CLSTN2: variants seen among roughly 807,000 people sequenced by gnomAD.
CLSTN2 encodes calsyntenin 2, also known as calsyntenin-2.
CLSTN2 carries 48 observed loss-of-function variants against 101.2 expected under a neutral mutation model. The observed-to-expected ratio is 0.47, with a 90% confidence interval of 0.38 to 0.60. The LOEUF is 0.60. Ranked by LOEUF, CLSTN2 falls within the 20% of genes least tolerant of loss-of-function variation. CLSTN2 has a pLI of 0.00. For synonymous variants in CLSTN2, 481 were observed against 463.6 expected (o/e 1.04, Z -0.48); for missense variants, 1,160 against 1,238.2 (o/e 0.94, Z 0.95).
chr3:140,418,129 A>AT (rs904728624), intron 4 of CLSTN2, among the ~76,000 whole-genome samples: 27 of 150,602 alleles, frequency 1.8e-4, no homozygotes, highest in African/African-American at 3.7e-4. Flanking sequence ...AAGAAAGTTA[A>AT]TTTTTTTTTT....
intron 2 of CLSTN2, among the ~76,000 whole-genome samples, chr3:140,262,452 T>A (rs1193822982): frequency 1.3e-5 from 2 of 150,740 alleles, no homozygotes; most frequent in Non-Finnish European, 2.9e-5. Context: ...AAGTTAAAGA[T>A]GTTCGAAATG....
chr3:140,377,022 C>CACAGAGAGAGAGAAAG (rs148236356), intron 2 of CLSTN2, among the ~76,000 whole-genome samples: 1 of 148,722 alleles, frequency 6.7e-6, no homozygotes, highest in Admixed American at 6.7e-5. Context: ...CACACATACA[C>CACAGAGAGAGAGAAAG]AGAGAGAGAG....
At chr3:140,454,234 A>G (rs1933335221) in intron 6 of CLSTN2, 1 of 152,140 alleles carries the variant, frequency 6.6e-6, no homozygotes, top group South Asian at 2.1e-4. Flanking sequence ...ATGGCCCACT[A>G]TGTTGGGGAG....
chr3:140,303,636 G>A (rs1014561641), intron 2 of CLSTN2, among the ~76,000 whole-genome samples: 4 of 152,030 alleles, frequency 2.6e-5, no homozygotes, highest in Non-Finnish European at 5.9e-5. Context: ...AGGAGATTAT[G>A]GTGGCTTCTA....
At chr3:140,276,131 C>A (rs1412615733) in intron 2 of CLSTN2, among the ~76,000 whole-genome samples, 2 of 152,138 alleles carry the variant, frequency 1.3e-5, no homozygotes, top group African/African-American at 4.8e-5. Context: ...GCAAAGAATG[C>A]ACCTTTCTTC....
intron 2 of CLSTN2, among the ~76,000 whole-genome samples, chr3:140,230,331 G>T (rs113734221): frequency 7.2e-4 from 110 of 152,318 alleles, no homozygotes; most frequent in African/African-American, 2.5e-3. Flanking sequence ...AAACCAGTGG[G>T]TATTTTAGAC....
intron 2 of CLSTN2, among the ~76,000 whole-genome samples, chr3:140,211,793 C>A (rs923587648): frequency 3.6e-4 from 54 of 152,040 alleles, no homozygotes; most frequent in African/African-American, 1.3e-3. Flanking sequence ...AGACTTTAAC[C>A]TCCAGTGAAT....
intron 1 of CLSTN2, among the ~76,000 whole-genome samples, chr3:140,154,735 C>A (rs1313628734): frequency 6.8e-6 from 1 of 148,096 alleles, no homozygotes; most frequent in Non-Finnish European, 1.5e-5. Context: ...AGCTCTGCCT[C>A]CCGGGTTCAC....
Position 140,442,672 on chromosome 3 carries a change from G to T in CLSTN2, c.788-5847G>T, listed in dbSNP as rs532658642. 2.0e-5 allele frequency among the ~76,000 whole-genome samples: 3 copies of T among 152,280 alleles called. No homozygotes were observed. In the East Asian group the frequency reaches 5.8e-4, roughly 29 times the overall value. ...GGGTGGCTATCAGGAGTATCCTGCT[G>T]TTCTGGAAATGAACACCAGGACTAA... On this transcript the variant is annotated intron_variant, in intron 5 of 16. Coordinates refer to ENST00000458420, the MANE Select transcript of CLSTN2 (RefSeq NM_022131.3).
In CLSTN2 at chr3:140,176,024, G is replaced by T. The variant is rs1355322484; in HGVS notation, c.183G>T (p.Leu61Phe). The T allele has an allele frequency of 2.5e-6, 4 of 1,613,520 alleles. No homozygotes were observed. ...CTGAGAACAATGACACAGTCATTTT[G>T]GACCCACCACTGGTAGCCCTGGATA... ...VITENNDTVI[L>F]DPPLVALDKD... Residue 61 changes from leucine (L) to phenylalanine (F), a missense_variant, in exon 2 of 17, where the codon TTG becomes TTT. Transcript: ENST00000458420.
chr3:140,101,169 A>G (rs530112966), intron 1 of CLSTN2, among the ~76,000 whole-genome samples: 1 of 152,322 alleles, frequency 6.6e-6, no homozygotes, highest in Admixed American at 6.5e-5. Flanking sequence ...GTATAAGAAT[A>G]AATGAAGCCA....
At chr3:140,312,159 C>G (rs2087175425) in intron 2 of CLSTN2, among the ~76,000 whole-genome samples, 1 of 152,210 alleles carries the variant, frequency 6.6e-6, no homozygotes, top group South Asian at 2.1e-4. Flanking sequence ...AAGGTCTTCT[C>G]CCAGTAGCTG....
rs190021299 is a variant in CLSTN2, at chr3:140,547,211, C to T, written c.1674+530C>T. The stretch of plus-strand genomic sequence containing the variant: ...GGGCTGCGCATGGTGGCCTGTGGCT[C>T]ACGTCTGTAGTCCCAACACTTTGGG... On this transcript the variant is annotated intron_variant, in intron 10 of 16. Transcript: ENST00000458420. Among the ~76,000 whole-genome samples, 145 of 152,312 alleles carry T rather than the reference C, an allele frequency of 9.5e-4. 1 individual carries two copies. In the Middle Eastern group the frequency reaches 0.017, roughly 18 times the overall value.
intron 2 of CLSTN2, among the ~76,000 whole-genome samples, chr3:140,273,217 G>C (rs751851613): frequency 6.6e-5 from 10 of 152,018 alleles, no homozygotes; most frequent in South Asian, 2.1e-4. Flanking sequence ...GTCGGGGGGT[G>C]GGGGGCAAGG....
intron 2 of CLSTN2, among the ~76,000 whole-genome samples, chr3:140,208,432 G>A (rs1190971196): frequency 6.6e-6 from 1 of 152,100 alleles, no homozygotes; most frequent in African/African-American, 2.4e-5. Flanking sequence ...TAATCTTACA[G>A]TTATGATTAA....
chr3:140,252,331 G>T (rs1047296741), intron 2 of CLSTN2, among the ~76,000 whole-genome samples: 1 of 152,112 alleles, frequency 6.6e-6, no homozygotes, highest in African/African-American at 2.4e-5. Flanking sequence ...GCCCTCCCTC[G>T]CTGAGGGTCC....
chr3:140,282,739 C>G (rs1477369344), intron 2 of CLSTN2, among the ~76,000 whole-genome samples: 2 of 152,100 alleles, frequency 1.3e-5, no homozygotes, highest in African/African-American at 4.8e-5. Context: ...GGTGCCAGAG[C>G]TGGTGGCCAG....
intron 9 of CLSTN2, among the ~76,000 whole-genome samples, chr3:140,543,594 C>T (rs1935529405): frequency 1.3e-5 from 2 of 152,208 alleles, no homozygotes; most frequent in African/African-American, 4.8e-5. Context: ...AGCAGGGCAG[C>T]TCAGGCTCTG....
intron 2 of CLSTN2, among the ~76,000 whole-genome samples, chr3:140,383,172 G>T (rs912187486): frequency 1.3e-5 from 2 of 152,126 alleles, no homozygotes; most frequent in Non-Finnish European, 2.9e-5. Flanking sequence ...AAAAGGTTTG[G>T]ATATTTTCTA....
Sources: gnomAD v4.1 joint callset for allele counts (sites outside exome capture counted in the v4.1 genomes callset) on GRCh38, gnomAD v4.1.1 for gene constraint, MANE v1.5 for transcripts, NCBI Gene and HGNC (gene_info 2026-07-23, HGNC 2026-07-21) for gene names.